CACNA2D3: variants seen among roughly 807,000 people sequenced by gnomAD.
CACNA2D3 encodes voltage-dependent calcium channel subunit alpha-2/delta-3.
CACNA2D3 carries 60 observed loss-of-function variants against 160.6 expected under a neutral mutation model. The observed-to-expected ratio is 0.37, with a 90% CI of 0.30 to 0.46. The LOEUF is 0.46. Ranked by LOEUF, CACNA2D3 falls within the 20% of genes least tolerant of loss-of-function variation. CACNA2D3 has a pLI of 1.00. For missense variants in CACNA2D3, 1,205 were observed against 1,365.0 expected (o/e 0.88, Z 1.85); for synonymous variants, 558 against 492.9 (o/e 1.13, Z -1.75).
At chr3:54,762,207 T>C (rs1702092811) in intron 12 of CACNA2D3, among the ~76,000 whole-genome samples, 1 of 152,202 alleles carries the variant, frequency 6.6e-6, no homozygotes, top group Non-Finnish European at 1.5e-5. Context: ...TTCTGTCATC[T>C]TATGTCATCT....
chr3:55,011,477 T>A (rs1703210829), intron 34 of CACNA2D3, among the ~76,000 whole-genome samples: 1 of 152,198 alleles, frequency 6.6e-6, no homozygotes. Flanking sequence ...ACTCTTTAAA[T>A]GTCTAACACT....
chr3:55,004,088 G>A (rs551282642), intron 31 of CACNA2D3, among the ~76,000 whole-genome samples: 1 of 152,272 alleles, frequency 6.6e-6, no homozygotes, highest in South Asian at 2.1e-4. Flanking sequence ...AAACATTTTT[G>A]CAACAGAGTA....
At chr3:54,271,578 C>T (rs953456748) in intron 2 of CACNA2D3, among the ~76,000 whole-genome samples, 1 of 152,194 alleles carries the variant, frequency 6.6e-6, no homozygotes, top group Non-Finnish European at 1.5e-5. Context: ...GTTCAGTTTT[C>T]AAGCCACAAA....
chr3:54,449,959 T>C (rs1700279551), intron 4 of CACNA2D3, among the ~76,000 whole-genome samples: 1 of 152,262 alleles, frequency 6.6e-6, no homozygotes, highest in Non-Finnish European at 1.5e-5. Context: ...GTCTTTTGGA[T>C]ATTTTTTATA....
intron 2 of CACNA2D3, among the ~76,000 whole-genome samples, chr3:54,138,281 G>T (rs137876073): frequency 1.1e-3 from 161 of 152,346 alleles, no homozygotes; most frequent in Admixed American, 2.5e-3. Flanking sequence ...ACTGGGCTAT[G>T]CAATGTGGAA....
intron 17 of CACNA2D3, among the ~76,000 whole-genome samples, chr3:54,858,467 G>C (rs143599707): frequency 0.014 from 2,106 of 152,290 alleles, 49 homozygotes; most frequent in African/African-American, 0.048. Flanking sequence ...CAGCCTGCTG[G>C]GGGGAGAGAG....
chr3:54,127,745 A>G (rs7621766), intron 2 of CACNA2D3, among the ~76,000 whole-genome samples: 59,079 of 151,724 alleles, frequency 0.39, 11,681 homozygotes, highest in East Asian at 0.6. Flanking sequence ...GTTTTTAATC[A>G]TTCAGGGCAG....
At chr3:54,381,433 T>C (rs1180063270) in intron 3 of CACNA2D3, among the ~76,000 whole-genome samples, 2 of 152,218 alleles carry the variant, frequency 1.3e-5, no homozygotes, top group African/African-American at 4.8e-5. Context: ...CACCGCACAA[T>C]TCTTTCTCTC....
intron 11 of CACNA2D3, among the ~76,000 whole-genome samples, chr3:54,682,161 GCACACACACACA>G (rs138753206): frequency 8.3e-5 from 12 of 144,784 alleles, no homozygotes; most frequent in East Asian, 4.1e-4. Context: ...AAACAGAACA[GCACACACACACA>G]CACACACACA....
chr3:54,477,208 T>G (rs1013902273), intron 4 of CACNA2D3, among the ~76,000 whole-genome samples: 29 of 152,112 alleles, frequency 1.9e-4, no homozygotes, highest in African/African-American at 7.0e-4. Flanking sequence ...GTATCTGGCA[T>G]AGAGTACCTA....
chr3:54,920,376 C>T (rs1040405691), intron 27 of CACNA2D3, among the ~76,000 whole-genome samples: 1 of 152,040 alleles, frequency 6.6e-6, no homozygotes, highest in Non-Finnish European at 1.5e-5. Flanking sequence ...AACCCATGTC[C>T]TTTTTGTTGC....
intron 3 of CACNA2D3, among the ~76,000 whole-genome samples, chr3:54,361,010 A>G (rs1277946679): frequency 6.6e-6 from 1 of 152,120 alleles, no homozygotes; most frequent in East Asian, 1.9e-4. Flanking sequence ...AGAAGACCTT[A>G]AGAATGGTTA....
chr3:54,819,872 G>A (rs944565466), intron 14 of CACNA2D3, among the ~76,000 whole-genome samples: 3 of 152,090 alleles, frequency 2.0e-5, no homozygotes, highest in African/African-American at 7.2e-5. Context: ...CACAAAACCT[G>A]TGTGCTTAAA....
At position 54,400,267 on chromosome 3, in the gene CACNA2D3, G is replaced by C. The variant is rs1293863308; in HGVS notation, c.381+13493G>C. On this transcript the variant is annotated intron_variant, in intron 4 of 37. Transcript: ENST00000474759. ...GCAGAAATCACCCGTCTTCTGTGTC[G>C]CTCACGCTGGGAGCTGTAGACCGGA... 3.3e-5 allele frequency among the ~76,000 whole-genome samples: 5 copies of C among 151,590 alleles called. No homozygotes were observed. In the South Asian group the frequency reaches 1.1e-3, roughly 32 times the overall value.
At chr3:55,034,176 T>C (rs1459833022) in intron 35 of CACNA2D3, among the ~76,000 whole-genome samples, 2 of 151,876 alleles carry the variant, frequency 1.3e-5, no homozygotes, top group South Asian at 2.1e-4. Flanking sequence ...CTTCTACCAA[T>C]TTATGAGAAT....
intron 13 of CACNA2D3, among the ~76,000 whole-genome samples, chr3:54,806,066 C>G (rs559753424): frequency 2.1e-3 from 313 of 152,128 alleles, no homozygotes; most frequent in Middle Eastern, 0.01. Flanking sequence ...AATAATAAGA[C>G]CTATCTATGA....
At chr3:54,960,269 C>G (rs1469048774) in intron 27 of CACNA2D3, among the ~76,000 whole-genome samples, 1 of 152,014 alleles carries the variant, frequency 6.6e-6, no homozygotes, top group Non-Finnish European at 1.5e-5. Flanking sequence ...GCTATTTCTC[C>G]TCCCTCTCTC....
chr3:54,762,114 C>T (rs967722433), intron 12 of CACNA2D3, among the ~76,000 whole-genome samples: 3 of 152,080 alleles, frequency 2.0e-5, no homozygotes, highest in Non-Finnish European at 1.5e-5. Context: ...CCATCCCCTG[C>T]TTGAAATCCT....
At chr3:55,055,603 T>A (rs1704341372) in intron 35 of CACNA2D3, among the ~76,000 whole-genome samples, 2 of 152,172 alleles carry the variant, frequency 1.3e-5, no homozygotes, top group South Asian at 4.1e-4. Flanking sequence ...GGAATTTTGA[T>A]AGAGATTGCA....
Sources: allele counts gnomAD v4.1 joint callset (sites outside exome capture counted in the v4.1 genomes callset), GRCh38; gene constraint gnomAD v4.1.1; transcripts MANE v1.5; gene names NCBI Gene and HGNC (gene_info 2026-07-23, HGNC 2026-07-21).